The following MGA variants were observed in gnomAD, a reference collection of about 807,000 sequenced individuals.
MGA encodes the protein MAX gene-associated protein.
MGA carries 40 observed loss-of-function variants against 261.1 expected under a neutral mutation model. The observed-to-expected ratio is 0.15, with a 90% CI of 0.12 to 0.20. The LOEUF is 0.20. Among genes scored for constraint, MGA ranks in the 10% least tolerant of loss-of-function variants. The pLI is 1.00. For missense variants in MGA, 3,397 were observed against 3,630.5 expected, an observed-to-expected ratio of 0.94 and a Z score of 1.65; for synonymous variants, 1,302 against 1,290.6, an observed-to-expected ratio of 1.01 and a Z score of -0.19.
intron 1 of MGA, among the ~76,000 whole-genome samples, chr15:41,667,953 A>G (rs932677085): frequency 3.9e-5 from 6 of 151,906 alleles, no homozygotes; most frequent in African/African-American, 9.7e-5. Flanking sequence ...ACAGGCGTGC[A>G]CCACCACACC....
chr15:41,736,928 T>G (rs1046305774), intron 13 of MGA, among the ~76,000 whole-genome samples: 7 of 152,212 alleles, frequency 4.6e-5, no homozygotes, highest in African/African-American at 1.7e-4. Context: ...GTTTTAATTT[T>G]CTTTCTAATC....
chr15:41,703,867 G>A (rs796587897), intron 5 of MGA, among the ~76,000 whole-genome samples: 1 of 152,246 alleles, frequency 6.6e-6, no homozygotes, highest in African/African-American at 2.4e-5. Context: ...CTATAGTGCA[G>A]TGATGTGAAC....
chr15:41,681,896 T>C (rs1398051025), intron 2 of MGA, among the ~76,000 whole-genome samples: 1 of 152,222 alleles, frequency 6.6e-6, no homozygotes, highest in East Asian at 1.9e-4. Flanking sequence ...TTATATGTAC[T>C]GGTGCTTATT....
At chr15:41,691,683 T>C (rs1348432841) in intron 2 of MGA, 1 of 515,768 alleles carries the variant, frequency 1.9e-6, no homozygotes, top group Non-Finnish European at 4.0e-6. Flanking sequence ...AGGCTTCTTT[T>C]GGTAGGTATA....
At chr15:41,706,977 T>C (rs2060152185) in intron 5 of MGA, among the ~76,000 whole-genome samples, 1 of 152,250 alleles carries the variant, frequency 6.6e-6, no homozygotes. Context: ...AATAAGGAAG[T>C]CATAATATTT....
chr15:41,683,781 A>G (rs1167596507), intron 2 of MGA, among the ~76,000 whole-genome samples: 1 of 151,696 alleles, frequency 6.6e-6, no homozygotes, highest in South Asian at 2.1e-4. Flanking sequence ...GGGTTTCGCC[A>G]TGTTGCCCAG....
intron 7 of MGA, among the ~76,000 whole-genome samples, chr15:41,710,196 T>G (rs2060319171): frequency 6.6e-6 from 1 of 152,184 alleles, no homozygotes; most frequent in Non-Finnish European, 1.5e-5. Flanking sequence ...TTGAAGATTC[T>G]TAGGTTAAAT....
chr15:41,635,133 A>T (rs1047951984), intron 1 of MGA, among the ~76,000 whole-genome samples: 1 of 152,036 alleles, frequency 6.6e-6, no homozygotes, highest in Non-Finnish European at 1.5e-5. Flanking sequence ...CAGGAGTTCG[A>T]GACCATCCTG....
intron 15 of MGA, among the ~76,000 whole-genome samples, chr15:41,745,076 A>G (rs2062366477): frequency 6.6e-6 from 1 of 152,042 alleles, no homozygotes; most frequent in South Asian, 2.1e-4. Context: ...ACGGGGTTTC[A>G]TCATGTTGAC....
intron 9 of MGA, 36 bp from the exon 10 acceptor site, chr15:41,727,144 A>G (rs2061294134): frequency 6.5e-7 from 1 of 1,547,732 alleles, no homozygotes; most frequent in Admixed American, 2.0e-5. Context: ...TTTGTTGCCA[A>G]AAGTACCTAA....
intron 12 of MGA, among the ~76,000 whole-genome samples, chr15:41,735,391 G>A (rs1166506792): frequency 6.6e-6 from 1 of 152,184 alleles, no homozygotes; most frequent in Non-Finnish European, 1.5e-5. Context: ...TAGAAGCACA[G>A]AAGTAATTCA....
At position 41,742,656 on chromosome 15, in the gene MGA, C is replaced by G. The variant is rs2062184538; in HGVS notation, c.4696C>G (p.Gln1566Glu). The G allele has an allele frequency of 1.2e-6, 2 of 1,613,954 alleles. No individual in the cohort carries two copies. Among genetic ancestry groups the G allele is most frequent in the Non-Finnish European group, 1.7e-6 (2 of 1,179,876 alleles). The stretch of plus-strand genomic sequence containing the variant: ...CACACCCCAAACCCTGGCAGGGACA[C>G]AGAAGTTCAGTATCAGACCTTCTCC... The change falls in exon 15 of 24, where the codon CAG becomes GAG. Residue 1566 changes from glutamine (Q) to glutamate (E), a missense_variant. By Grantham distance (29) the Gln-to-Glu change is conservative. Coordinates refer to ENST00000219905, the MANE Select transcript of MGA (RefSeq NM_001164273.2).
intron 2 of MGA, among the ~76,000 whole-genome samples, chr15:41,690,168 AT>A (rs2059198382): frequency 6.6e-6 from 1 of 152,116 alleles, no homozygotes; most frequent in Non-Finnish European, 1.5e-5. Context: ...TATTTTGGAT[AT>A]TTTATATAAA....
chr15:41,693,136 G>T (rs1027179914), intron 2 of MGA, among the ~76,000 whole-genome samples: 10 of 151,996 alleles, frequency 6.6e-5, no homozygotes, highest in African/African-American at 2.4e-4. Flanking sequence ...CACCACACCC[G>T]GCTTCTATTG....
intron 1 of MGA, among the ~76,000 whole-genome samples, chr15:41,634,672 T>G (rs912072676): frequency 6.6e-6 from 1 of 152,058 alleles, no homozygotes; most frequent in Admixed American, 6.5e-5. Flanking sequence ...GTATGAAGAT[T>G]GTTTGGTGAG....
intron 9 of MGA, among the ~76,000 whole-genome samples, chr15:41,726,780 A>G (rs934362045): frequency 2.6e-5 from 4 of 152,070 alleles, no homozygotes; most frequent in Non-Finnish European, 5.9e-5. Flanking sequence ...GACCCTAAAT[A>G]TAATGGCAAC....
chr15:41,669,624 A>G lies in MGA; in HGVS notation c.730A>G (p.Ile244Val), dbSNP rs757904470. 1 of 1,613,964 alleles carries G rather than the reference A, an allele frequency of 6.2e-7. No homozygotes were observed. The highest frequency in any genetic ancestry group is 8.5e-7 in the Non-Finnish European group (1 of 1,179,850). ...AGTAACAGCTTATCAGAACATTCAG[A>G]TTACTCAGCTGAAAATAGATTACAA... Residue 244 changes from isoleucine to valine, a missense_variant, in exon 2 of 24, where the codon ATT becomes GTT. This residue lies in a region of MGA where 563 missense variants were observed against 563.6 expected (regional missense o/e 1.00). Coordinates refer to ENST00000219905, the MANE Select transcript of MGA (RefSeq NM_001164273.2).
intron 1 of MGA, chr15:41,621,378 G>A (rs1318248436): frequency 2.6e-5 from 4 of 152,264 alleles, no homozygotes; most frequent in Non-Finnish European, 5.9e-5. Context: ...CGGCAGAAAA[G>A]GATGGCCCTC....
At chr15:41,765,912 C>A in intron 23 of MGA, 92 bp from the exon 24 acceptor site, 1 of 1,056,752 alleles carries the variant, frequency 9.5e-7, no homozygotes, top group Non-Finnish European at 1.4e-6. Context: ...GACTACAAAT[C>A]CCTAAGATGG....
Sources: allele counts gnomAD v4.1 joint callset (sites outside exome capture counted in the v4.1 genomes callset), GRCh38; gene constraint gnomAD v4.1.1; regional missense constraint gnomAD v4.1.1; transcripts MANE v1.5; gene names NCBI Gene and HGNC (gene_info 2026-07-23, HGNC 2026-07-21).